PIGN: variants seen among roughly 807,000 people sequenced by gnomAD.
PIGN encodes the protein phosphatidylinositol glycan anchor biosynthesis class N.
Under a neutral mutation model 125.4 loss-of-function variants are expected in PIGN, and 117 were observed. The ratio of observed to expected loss-of-function variants is 0.93; its 90% confidence interval spans 0.80 to 1.09. The LOEUF is 1.09. Among genes scored for constraint, PIGN ranks in the 50% least tolerant of loss-of-function variants. The pLI is 0.00. For missense variants in PIGN, 1,075 were observed against 1,094.9 expected, an observed-to-expected ratio of 0.98 and a Z score of 0.26; for synonymous variants, 392 against 377.8, an observed-to-expected ratio of 1.04 and a Z score of -0.44.
intron 6 of PIGN, 123 bp from the exon 7 acceptor site, chr18:62,154,774 T>C (rs773506815): frequency 1.4e-5 from 9 of 633,154 alleles, no homozygotes; most frequent in Non-Finnish European, 2.2e-5. Flanking sequence ...TTGTTCATTA[T>C]GATGGGGAAG....
At chr18:62,034,791 C>G (rs2030236188) in intron 23 of PIGN, among the ~76,000 whole-genome samples, 1 of 152,138 alleles carries the variant, frequency 6.6e-6, no homozygotes, top group African/African-American at 2.4e-5. Flanking sequence ...AGGGGACTTG[C>G]CTTGTCTCAG....
chr18:62,146,070 T>A (rs1599627862), intron 9 of PIGN, 45 bp from the exon 10 acceptor site: 1 of 810,374 alleles, frequency 1.2e-6, no homozygotes, highest in Non-Finnish European at 1.9e-6. Flanking sequence ...ATAGAAGAAC[T>A]AACTTACAAC....
chr18:62,047,257 C>T (rs58871337), intron 30 of PIGN, among the ~76,000 whole-genome samples: 50,920 of 152,108 alleles, frequency 0.33, 9,444 homozygotes, highest in East Asian at 0.63. Context: ...ATGCCCTCCC[C>T]TCCACTGTCA....
intron 23 of PIGN, among the ~76,000 whole-genome samples, chr18:62,093,907 A>C (rs1484013777): frequency 6.6e-6 from 1 of 152,132 alleles, no homozygotes; most frequent in African/African-American, 2.4e-5. Context: ...GTGCTATTTC[A>C]AGATACTCTT....
In PIGN at chr18:62,041,640, G is replaced by GGTGTGTTTGTGTGT. The variant is rs1555669074; in HGVS notation, c.*4215_*4216insACACACAAACACAC. 3 of 77,472 alleles carry GGTGTGTTTGTGTGT rather than the reference G, an allele frequency of 3.9e-5. No homozygotes were observed. Among genetic ancestry groups the GGTGTGTTTGTGTGT allele is most frequent in the African/African-American group, 1.6e-4 (3 of 18,432 alleles). 4.8% of individuals were successfully genotyped at this position (77,472 alleles called of 1,614,324 possible). On this transcript the variant is annotated 3_prime_UTR_variant, in exon 31 of 31. Coordinates refer to ENST00000640252, the MANE Select transcript of PIGN (RefSeq NM_176787.5). ...ATTACAGGAGCCTACCACCCCGCCG[G>GGTGTGTTTGTGTGT]GTGTGTGTGTGTGTGTGTGTGTGTG... is the stretch of plus-strand genomic sequence containing the variant.
At chr18:62,035,485 T>C (rs2030246803) in intron 23 of PIGN, among the ~76,000 whole-genome samples, 1 of 152,214 alleles carries the variant, frequency 6.6e-6, no homozygotes, top group Non-Finnish European at 1.5e-5. Context: ...CAATCTTGTT[T>C]TTTCAGAAGG....
In PIGN at chr18:62,108,542, A is replaced by C. The variant is rs9957538; in HGVS notation, c.1574+1292T>G. On this transcript the variant is annotated intron_variant, in intron 17 of 30. Coordinates refer to ENST00000640252, the MANE Select transcript of PIGN (RefSeq NM_176787.5). ...TTTGATCAGTGTCTTTTTGCCTTATAGTTAATATTTTAAGCATTTTAATAT... is the reference window on the plus strand; with the variant it reads ...TTTGATCAGTGTCTTTTTGCCTTATCGTTAATATTTTAAGCATTTTAATAT... 1.0e-2 allele frequency among the ~76,000 whole-genome samples: 1,521 copies of C among 152,110 alleles called. 21 individuals are homozygous for C. The highest frequency in any genetic ancestry group is 0.049 in the East Asian group (254 of 5,190).
At chr18:62,137,762 T>C (rs2035987692) in intron 14 of PIGN, 1 of 153,614 alleles carries the variant, frequency 6.5e-6, no homozygotes, top group Admixed American at 6.5e-5. Context: ...GGCTTCAAAA[T>C]CTTCACAAGC....
intron 14 of PIGN, among the ~76,000 whole-genome samples, chr18:62,133,562 G>A (rs2035817138): frequency 6.6e-6 from 1 of 152,044 alleles, no homozygotes; most frequent in South Asian, 2.1e-4. Flanking sequence ...AAGTAATTTG[G>A]AGAGGACCGA....
intron 1 of PIGN, among the ~76,000 whole-genome samples, chr18:62,164,045 T>A (rs2037046589): frequency 2.0e-5 from 3 of 152,244 alleles, no homozygotes; most frequent in Admixed American, 1.3e-4. Flanking sequence ...GAACATTGCA[T>A]GTATATACCA....
chr18:62,129,840 C>T (rs1180303834), intron 14 of PIGN, among the ~76,000 whole-genome samples: 1 of 152,090 alleles, frequency 6.6e-6, no homozygotes, highest in Non-Finnish European at 1.5e-5. Flanking sequence ...TAAATTGTGT[C>T]CCCCAAAAAG....
chr18:62,045,870 T>C lies in PIGN; in HGVS notation c.2782A>G (p.Ser928Gly). The C allele has an allele frequency of 6.2e-7, 1 of 1,613,786 alleles. No homozygotes were observed. The highest frequency in any genetic ancestry group is 1.1e-5 in the South Asian group (1 of 91,050). ...KKLRLCGKPK[S>G]HFM is the part of the protein sequence containing the mutation. The stretch of plus-strand genomic sequence containing the variant: ...CTTCAGCAACCTCACATGAAGTGAC[T>C]TTTGGGTTTGCCACATAGTCTGAGT... The change falls in exon 31 of 31, where the codon AGT becomes GGT. Residue 928 changes from serine to glycine, a missense_variant. By Grantham distance (56) the Ser-to-Gly change is moderately conservative. Transcript: ENST00000640252.
intron 28 of PIGN, 61 bp from the exon 29 acceptor site, chr18:62,074,882 T>A: frequency 8.2e-7 from 1 of 1,226,376 alleles, no homozygotes; most frequent in Non-Finnish European, 1.2e-6. Context: ...TCAAGCTCAT[T>A]AAAATCCAAG....
In PIGN at chr18:62,045,947, G is replaced by A; in HGVS notation, c.2705C>T (p.Thr902Ile). The change falls in exon 31 of 31, where the codon ACC becomes ATC. Residue 902 changes from threonine to isoleucine, a missense_variant. Coordinates refer to ENST00000640252, the MANE Select transcript of PIGN (RefSeq NM_176787.5). Reference sequence around the variant, plus strand: ...GCCATTGAGGAACACCAAAAAGATGGTCATGGACATGACAATCACATAGTG... The same window carrying A: ...GCCATTGAGGAACACCAAAAAGATGATCATGGACATGACAATCACATAGTG... ...ISHYVIVMSM[T>I]IFLVFLNGLA... The A allele has an allele frequency of 1.2e-6, 2 of 1,613,340 alleles. No individual in the cohort carries two copies. The highest frequency in any genetic ancestry group is 8.5e-7 in the Non-Finnish European group (1 of 1,179,560).
chr18:62,060,123 GCA>G, intron 30 of PIGN, among the ~76,000 whole-genome samples: 1 of 152,270 alleles, frequency 6.6e-6, no homozygotes. Context: ...TCATCTTCAT[GCA>G]ATTGAGCCAT....
chr18:62,046,743 T>C (rs1056399680), intron 30 of PIGN, among the ~76,000 whole-genome samples: 2 of 152,058 alleles, frequency 1.3e-5, no homozygotes, highest in Non-Finnish European at 2.9e-5. Context: ...ATAGAAAGAA[T>C]AGAAAGTCTG....
At chr18:62,053,033 G>T in intron 30 of PIGN, 2 of 339,988 alleles carry the variant, frequency 5.9e-6, no homozygotes, top group Non-Finnish European at 1.1e-5. Flanking sequence ...GTAAAAATCT[G>T]GGTAAAGACA....
At position 62,107,173 on chromosome 18, in the gene PIGN, C is replaced by G. The variant is rs1560503; in HGVS notation, c.1575-88G>C. 0.2 allele frequency: 160,830 copies of G among 790,330 alleles called. 19,175 individuals are homozygous for G. Among genetic ancestry groups the G allele is most frequent in the Non-Finnish European group, 0.25 (117,232 of 468,574 alleles). The allele number at this position is 790,330 out of a possible 1,614,324, so 49.0% of individuals were successfully genotyped here. On this transcript the variant is annotated intron_variant, in intron 17 of 30. Coordinates refer to ENST00000640252, the MANE Select transcript of PIGN (RefSeq NM_176787.5). ...AACTTTGCACAAAGCTAAAACACTA[C>G]ATAATTTTCCATTTATAGATTATTC...
intron 22 of PIGN, among the ~76,000 whole-genome samples, chr18:62,096,516 C>CTTTTTTTTTTTTTTT (rs398033140): frequency 2.6e-4 from 22 of 85,650 alleles, no homozygotes; most frequent in African/African-American, 4.4e-4. Context: ...GAATTATTTT[C>CTTTTTTTTTTTTTTT]TTTTTTTTTT....
Sources: gnomAD v4.1 joint callset for allele counts (sites outside exome capture counted in the v4.1 genomes callset) on GRCh38, gnomAD v4.1.1 for gene constraint, MANE v1.5 for transcripts, NCBI Gene and HGNC (gene_info 2026-07-23, HGNC 2026-07-21) for gene names.